USH2A: variants seen among roughly 807,000 people sequenced by gnomAD.
USH2A encodes the protein Usher syndrome 2A (autosomal recessive, mild).
A neutral mutation model predicts 538.9 loss-of-function variants in USH2A; 443 were observed. The observed-to-expected ratio is 0.82, with a 90% CI of 0.76 to 0.89. The LOEUF (loss-of-function observed/expected upper bound fraction) is 0.89, where lower values mean the gene tolerates loss of function less well. Among genes scored for constraint, USH2A ranks in the 40% least tolerant of loss-of-function variants. The pLI, the probability that USH2A is intolerant of heterozygous loss-of-function variation, is 0.00. For synonymous variants in USH2A, 2,413 were observed against 2,273.5 expected (o/e 1.06, Z -1.75); for missense variants, 6,633 against 6,324.8 (o/e 1.05, Z -1.65).
chr1:216,250,183 A>C (rs931999666), intron 12 of USH2A, among the ~76,000 whole-genome samples: 1 of 152,240 alleles, frequency 6.6e-6, no homozygotes, highest in South Asian at 2.1e-4. Flanking sequence ...GGTTCCCCTC[A>C]AAAATGTTGG....
intron 56 of USH2A, among the ~76,000 whole-genome samples, chr1:215,764,714 A>G (rs1240923185): frequency 6.6e-6 from 1 of 152,228 alleles, no homozygotes; most frequent in Non-Finnish European, 1.5e-5. Context: ...ATGGCATTTT[A>G]TAATTAGTTA....
chr1:215,713,273 C>T (rs944497869), intron 61 of USH2A, among the ~76,000 whole-genome samples: 2 of 152,194 alleles, frequency 1.3e-5, no homozygotes, highest in African/African-American at 4.8e-5. Flanking sequence ...GTTCCTGCGA[C>T]TCTAAGAGGT....
intron 15 of USH2A, among the ~76,000 whole-genome samples, chr1:216,212,536 C>G (rs2035262062): frequency 6.6e-6 from 1 of 152,060 alleles, no homozygotes; most frequent in African/African-American, 2.4e-5. Flanking sequence ...TGGGAACCAC[C>G]AGCTTGAATC....
chr1:216,376,244 C>G (rs2038818966), intron 3 of USH2A, among the ~76,000 whole-genome samples: 1 of 152,122 alleles, frequency 6.6e-6, no homozygotes, highest in Non-Finnish European at 1.5e-5. Context: ...AAATAAAACA[C>G]ATTGTCTGTG....
Position 216,245,470 on chromosome 1 carries a change from T to TGAGAGAGAGA in USH2A, c.2809+1105_2809+1114dup, listed in dbSNP as rs10535828. Among the ~76,000 whole-genome samples the TGAGAGAGAGA allele has an allele frequency of 7.2e-3, 827 of 114,192 alleles. 17 individuals carry two copies. Among genetic ancestry groups the TGAGAGAGAGA allele is most frequent in the African/African-American group, 0.013 (362 of 27,510 alleles). The allele number at this position is 114,192 out of a possible 152,430, so 74.9% of individuals were successfully genotyped here. A position where few individuals can be genotyped will look rare whatever the true frequency, so the allele number is the denominator to read the frequency against. On this transcript the variant is annotated intron_variant, in intron 13 of 71. Transcript: ENST00000307340. Reference sequence around the variant, plus strand: ...GAAAGAGAGAGGTAAAGTCCCCTTCTGAGAGAGAGAGAGAGAGAGAGAGAG... The same window carrying TGAGAGAGAGA: ...GAAAGAGAGAGGTAAAGTCCCCTTCTGAGAGAGAGAGAGAGAGAGAGAGAGAGAGAGAGAG...
intron 47 of USH2A, among the ~76,000 whole-genome samples, chr1:215,835,973 T>C (rs1292355098): frequency 6.6e-6 from 1 of 152,130 alleles, no homozygotes; most frequent in Non-Finnish European, 1.5e-5. Flanking sequence ...CAATTTTTAA[T>C]AGCAACTAAA....
At chr1:216,102,932 A>G (rs942695487) in intron 21 of USH2A, among the ~76,000 whole-genome samples, 1 of 152,230 alleles carries the variant, frequency 6.6e-6, no homozygotes, top group African/African-American at 2.4e-5. Context: ...TGTTTACAGC[A>G]AGACCTTTCA....
chr1:215,847,706 T>C (rs1663902671), intron 44 of USH2A, among the ~76,000 whole-genome samples: 1 of 151,660 alleles, frequency 6.6e-6, no homozygotes. Flanking sequence ...GAGGAAAAAG[T>C]GGCATTTCTC....
intron 61 of USH2A, among the ~76,000 whole-genome samples, chr1:215,700,926 C>T (rs967116002): frequency 8.5e-5 from 13 of 152,110 alleles, no homozygotes; most frequent in Non-Finnish European, 1.5e-4. Flanking sequence ...ATCTTTCCTG[C>T]TTTCTCTTGT....
chr1:215,842,050 G>A (rs544133464), intron 46 of USH2A, among the ~76,000 whole-genome samples: 2 of 152,284 alleles, frequency 1.3e-5, no homozygotes, highest in Non-Finnish European at 2.9e-5. Context: ...TTGGCTGGGT[G>A]CAGTGGCTCA....
At chr1:216,314,857 C>T (rs938433592) in intron 9 of USH2A, among the ~76,000 whole-genome samples, 3 of 152,150 alleles carry the variant, frequency 2.0e-5, no homozygotes, top group Non-Finnish European at 4.4e-5. Flanking sequence ...TCTGTGAAGG[C>T]TTGGCTACCC....
chr1:215,937,092 C>T (rs907528352), intron 37 of USH2A, among the ~76,000 whole-genome samples: 1 of 151,962 alleles, frequency 6.6e-6, no homozygotes, highest in African/African-American at 2.4e-5. Flanking sequence ...ATTTATTACT[C>T]TGGACCCAAA....
At chr1:215,921,262 T>C (rs1351359893) in intron 38 of USH2A, among the ~76,000 whole-genome samples, 1 of 152,054 alleles carries the variant, frequency 6.6e-6, no homozygotes, top group Non-Finnish European at 1.5e-5. Context: ...AGTTAAGTAC[T>C]TATATCCACA....
chr1:216,311,134 T>C (rs965644150), intron 9 of USH2A, among the ~76,000 whole-genome samples: 4 of 152,202 alleles, frequency 2.6e-5, no homozygotes, highest in African/African-American at 9.6e-5. Flanking sequence ...TCTGACATTG[T>C]GTCTGCATTG....
chr1:216,174,687 T>C (rs930874646), intron 21 of USH2A: 1 of 986,670 alleles, frequency 1.0e-6, no homozygotes, highest in Non-Finnish European at 1.2e-6. Context: ...ATCTTTTCCC[T>C]GGGATTAGTT....
At chr1:216,240,185 T>A (rs2102535356) in intron 13 of USH2A, among the ~76,000 whole-genome samples, 1 of 152,138 alleles carries the variant, frequency 6.6e-6, no homozygotes, top group African/African-American at 2.4e-5. Flanking sequence ...ATTTCCGAAG[T>A]CAGATATAAG....
chr1:215,817,260 TAAGTA>T, intron 47 of USH2A, 65 bp from the exon 48 acceptor site: 1 of 1,509,964 alleles, frequency 6.6e-7, no homozygotes, highest in Non-Finnish European at 9.2e-7. Context: ...CTATCAGTCT[TAAGTA>T]AAAAGTGGCA....
intron 32 of USH2A, among the ~76,000 whole-genome samples, chr1:216,039,203 A>C (rs917228228): frequency 1.3e-5 from 2 of 152,002 alleles, no homozygotes; most frequent in African/African-American, 4.8e-5. Context: ...TCCACTGTTC[A>C]TTAACCCAAA....
At chr1:215,750,098 G>A (rs573581969) in intron 58 of USH2A, among the ~76,000 whole-genome samples, 1 of 152,124 alleles carries the variant, frequency 6.6e-6, no homozygotes, top group Admixed American at 6.5e-5. Context: ...AATTCTAAGA[G>A]GAAAAACTAT....
Sources: gnomAD v4.1 joint callset for allele counts (sites outside exome capture counted in the v4.1 genomes callset) on GRCh38, gnomAD v4.1.1 for gene constraint, MANE v1.5 for transcripts, NCBI Gene and HGNC (gene_info 2026-07-23, HGNC 2026-07-21) for gene names.